The following PHACTR3 variants were observed in gnomAD, a reference collection of about 807,000 sequenced individuals.
PHACTR3 encodes protein phosphatase 1, regulatory subunit 123.
Under a neutral mutation model 66.8 loss-of-function variants are expected in PHACTR3, and 16 were observed. The ratio of observed to expected loss-of-function variants is 0.24; its 90% confidence interval spans 0.16 to 0.36. The LOEUF (loss-of-function observed/expected upper bound fraction) is 0.36, where lower values mean the gene tolerates loss of function less well. PHACTR3 is among the 10% of genes least tolerant of loss of function. The probability of loss-of-function intolerance (pLI) is 1.00; values close to 1 mark genes in which losing one functional copy is unlikely to be tolerated. For missense variants in PHACTR3, 647 were observed against 719.9 expected (o/e 0.90, Z 1.16); for synonymous variants, 323 against 292.1 (o/e 1.11, Z -1.08).
intron 8 of PHACTR3, among the ~76,000 whole-genome samples, chr20:59,828,956 G>GGA (rs1568863261): frequency 1.3e-5 from 2 of 151,910 alleles, no homozygotes; most frequent in Non-Finnish European, 2.9e-5. Context: ...ATGGATGGAT[G>GGA]GACGGATGGA....
chr20:59,774,604 T>G, intron 7 of PHACTR3, 114 bp downstream of exon 7: 4 of 1,392,418 alleles, frequency 2.9e-6, no homozygotes, highest in South Asian at 1.5e-5. Flanking sequence ...GGGCTGCACC[T>G]GGGGAGAAAC....
chr20:59,807,406 G>C (rs980173858), intron 8 of PHACTR3, among the ~76,000 whole-genome samples: 1 of 152,206 alleles, frequency 6.6e-6, no homozygotes, highest in Admixed American at 6.5e-5. Flanking sequence ...AAGATCTTCA[G>C]GGGCAGTAAC....
intron 9 of PHACTR3, among the ~76,000 whole-genome samples, chr20:59,839,618 G>A (rs374740278): frequency 5.1e-4 from 77 of 152,224 alleles, no homozygotes; most frequent in African/African-American, 1.5e-3. Flanking sequence ...GGAAGCTTAC[G>A]TTTTATACTA....
intron 1 of PHACTR3, among the ~76,000 whole-genome samples, chr20:59,683,473 T>C (rs530083211): frequency 1.3e-5 from 2 of 149,416 alleles, no homozygotes; most frequent in East Asian, 3.9e-4. Flanking sequence ...AATACTTTCT[T>C]TTAAACCAGG....
chr20:59,743,615 C>T (rs1254848556), intron 2 of PHACTR3, among the ~76,000 whole-genome samples: 2 of 152,228 alleles, frequency 1.3e-5, no homozygotes, highest in African/African-American at 2.4e-5. Flanking sequence ...AGCAAGGTCT[C>T]ACTTGCTGGC....
intron 1 of PHACTR3, among the ~76,000 whole-genome samples, chr20:59,653,424 C>T (rs527622852): frequency 7.4e-4 from 112 of 152,254 alleles, no homozygotes; most frequent in African/African-American, 2.6e-3. Context: ...ATCCTGTGAT[C>T]CACCTGCCTT....
At chr20:59,777,801 C>T (rs2040588120) in intron 7 of PHACTR3, among the ~76,000 whole-genome samples, 1 of 152,112 alleles carries the variant, frequency 6.6e-6, no homozygotes, top group Non-Finnish European at 1.5e-5. Context: ...TCAGTAAGCA[C>T]CTGTTGGTTG....
At chr20:59,809,060 C>A (rs1378932756) in intron 8 of PHACTR3, among the ~76,000 whole-genome samples, 1 of 152,176 alleles carries the variant, frequency 6.6e-6, no homozygotes, top group Non-Finnish European at 1.5e-5. Context: ...CCGCTCTGGG[C>A]AGATTTTCCT....
chr20:59,707,457 C>A (rs929627229), intron 1 of PHACTR3, among the ~76,000 whole-genome samples: 2 of 100,378 alleles, frequency 2.0e-5, no homozygotes, highest in Non-Finnish European at 3.7e-5. Flanking sequence ...TGCTCCCACT[C>A]TTTTTTTTTT....
chr20:59,828,542 A>G (rs1890876889), intron 8 of PHACTR3, among the ~76,000 whole-genome samples: 1 of 152,108 alleles, frequency 6.6e-6, no homozygotes, highest in Non-Finnish European at 1.5e-5. Context: ...GATTTGGAGG[A>G]AAAGGGACAA....
intron 1 of PHACTR3, among the ~76,000 whole-genome samples, chr20:59,647,230 G>A (rs183859820): frequency 6.6e-6 from 1 of 152,332 alleles, no homozygotes; most frequent in Non-Finnish European, 1.5e-5. Context: ...GAGAGCTTGT[G>A]CAGGGAAACT....
At chr20:59,723,312 G>T (rs1361527923) in intron 1 of PHACTR3, among the ~76,000 whole-genome samples, 1 of 151,812 alleles carries the variant, frequency 6.6e-6, no homozygotes, top group African/African-American at 2.4e-5. Flanking sequence ...CCTACCCCTG[G>T]CAACCGTGAA....
chr20:59,743,952 CTG>C (rs1470606434), intron 2 of PHACTR3, among the ~76,000 whole-genome samples: 1 of 152,190 alleles, frequency 6.6e-6, no homozygotes, highest in Non-Finnish European at 1.5e-5. Context: ...AGCCCTGGCT[CTG>C]TGGGAAGCGG....
At chr20:59,788,476 C>T (rs1198625941) in intron 7 of PHACTR3, among the ~76,000 whole-genome samples, 2 of 152,064 alleles carry the variant, frequency 1.3e-5, no homozygotes. Context: ...CCCTGGCTCC[C>T]AGGACACCAT....
intron 1 of PHACTR3, among the ~76,000 whole-genome samples, chr20:59,595,258 C>T (rs2426797): frequency 0.42 from 64,301 of 151,804 alleles, 13,991 homozygotes; most frequent in Middle Eastern, 0.5. Flanking sequence ...GTCAGGAGTT[C>T]GAGACCAGCC....
At chr20:59,796,215 T>C (rs2041249037) in intron 7 of PHACTR3, among the ~76,000 whole-genome samples, 1 of 152,094 alleles carries the variant, frequency 6.6e-6, no homozygotes, top group East Asian at 1.9e-4. Context: ...AATGTAACTC[T>C]GGTCACATAC....
intron 2 of PHACTR3, 79 bp downstream of exon 2, chr20:59,743,347 C>G: frequency 6.5e-7 from 1 of 1,531,072 alleles, no homozygotes; most frequent in Non-Finnish European, 8.9e-7. Flanking sequence ...CCCTGCTGAT[C>G]TGTGACTTCC....
At chr20:59,700,901 C>T (rs1057377436) in intron 1 of PHACTR3, among the ~76,000 whole-genome samples, 13 of 151,814 alleles carry the variant, frequency 8.6e-5, no homozygotes, top group East Asian at 3.9e-4. Context: ...GGGATCCTCC[C>T]GCCTCAGCCT....
intron 1 of PHACTR3, among the ~76,000 whole-genome samples, chr20:59,605,685 G>A (rs1161084751): frequency 2.0e-5 from 3 of 152,232 alleles, no homozygotes; most frequent in African/African-American, 7.2e-5. Flanking sequence ...GGAGACGAAG[G>A]GCGTGCGCCA....
Sources: gnomAD v4.1 joint callset for allele counts (sites outside exome capture counted in the v4.1 genomes callset) on GRCh38, gnomAD v4.1.1 for gene constraint, MANE v1.5 for transcripts, NCBI Gene and HGNC (gene_info 2026-07-23, HGNC 2026-07-21) for gene names.